Variants in ABCB1 observed in about 807,000 individuals in gnomAD.
ABCB1 encodes the protein ATP-dependent translocase ABCB1.
ABCB1 carries 69 observed loss-of-function variants against 142.0 expected under a neutral mutation model. The observed-to-expected ratio is 0.49, with a 90% CI of 0.40 to 0.59. ABCB1 has a LOEUF of 0.59. Ranked by LOEUF, ABCB1 falls within the 20% of genes least tolerant of loss-of-function variation. The pLI, the probability that ABCB1 is intolerant of heterozygous loss-of-function variation, is 0.00. For synonymous variants in ABCB1, 532 were observed against 539.2 expected, an observed-to-expected ratio of 0.99 and a Z score of 0.18; for missense variants, 1,326 against 1,554.7, an observed-to-expected ratio of 0.85 and a Z score of 2.47.
intron 4 of ABCB1, among the ~76,000 whole-genome samples, chr7:87,577,293 T>C (rs923161371): frequency 2.6e-5 from 4 of 152,154 alleles, no homozygotes; most frequent in African/African-American, 9.7e-5. Context: ...GTATGTATCA[T>C]AATTTCTTCA....
At chr7:87,517,360 C>T (rs1344546786) in intron 23 of ABCB1, among the ~76,000 whole-genome samples, 1 of 148,034 alleles carries the variant, frequency 6.8e-6, no homozygotes, top group Non-Finnish European at 1.5e-5. Context: ...TGTTCTCTCT[C>T]TCTTTCTCTC....
At chr7:87,651,554 C>G (rs1271326740) in intron 1 of ABCB1, among the ~76,000 whole-genome samples, 1 of 152,024 alleles carries the variant, frequency 6.6e-6, no homozygotes, top group African/African-American at 2.4e-5. Flanking sequence ...ACAATAAGTA[C>G]TAACTTTATC....
intron 20 of ABCB1, among the ~76,000 whole-genome samples, chr7:87,536,102 G>A (rs1478256963): frequency 6.6e-6 from 1 of 152,092 alleles, no homozygotes. Context: ...TAACCATAGT[G>A]ACTCTAAACT....
chr7:87,625,566 G>A (rs1477066468), intron 1 of ABCB1, among the ~76,000 whole-genome samples: 3 of 152,080 alleles, frequency 2.0e-5, no homozygotes, highest in Admixed American at 2.0e-4. Context: ...AGTTTTATCT[G>A]TGGTTAAATA....
intron 2 of ABCB1, among the ~76,000 whole-genome samples, chr7:87,599,750 T>G (rs1223438935): frequency 6.6e-6 from 1 of 152,210 alleles, no homozygotes; most frequent in Non-Finnish European, 1.5e-5. Flanking sequence ...GCTAGAAGAC[T>G]TAAAATGTTA....
At chr7:87,613,865 A>G (rs1164086908) in intron 1 of ABCB1, among the ~76,000 whole-genome samples, 1 of 152,210 alleles carries the variant, frequency 6.6e-6, no homozygotes, top group Non-Finnish European at 1.5e-5. Context: ...GATTATTTTT[A>G]AAATACTTCC....
intron 1 of ABCB1, among the ~76,000 whole-genome samples, chr7:87,705,727 T>C (rs1329574063): frequency 6.6e-6 from 1 of 152,194 alleles, no homozygotes; most frequent in African/African-American, 2.4e-5. Flanking sequence ...ACTTATCTCA[T>C]TCTTTTCTGA....
intron 1 of ABCB1, among the ~76,000 whole-genome samples, chr7:87,645,580 C>G (rs763732360): frequency 1.6e-4 from 24 of 152,102 alleles, no homozygotes; most frequent in Non-Finnish European, 3.1e-4. Flanking sequence ...AGACATTCAT[C>G]AAATTGTCAT....
intron 1 of ABCB1, among the ~76,000 whole-genome samples, chr7:87,655,567 G>A (rs1173470457): frequency 6.6e-6 from 1 of 152,136 alleles, no homozygotes; most frequent in African/African-American, 2.4e-5. Flanking sequence ...TGTGCTGGAA[G>A]GAGAGGGATC....
intron 1 of ABCB1, among the ~76,000 whole-genome samples, chr7:87,665,389 A>G (rs908990709): frequency 2.6e-5 from 4 of 152,132 alleles, no homozygotes; most frequent in African/African-American, 9.7e-5. Context: ...AGGAAGTGAA[A>G]CCTCTGTACA....
intron 8 of ABCB1, among the ~76,000 whole-genome samples, chr7:87,556,957 G>C (rs945867499): frequency 3.9e-5 from 6 of 151,958 alleles, no homozygotes; most frequent in African/African-American, 1.5e-4. Flanking sequence ...AGGAAACTTG[G>C]AAGACTCTTC....
intron 20 of ABCB1, 136 bp from the exon 21 acceptor site, chr7:87,531,633 TG>T: frequency 1.3e-6 from 1 of 786,294 alleles, no homozygotes; most frequent in South Asian, 1.7e-5. Context: ...AAGGTCTACT[TG>T]TAAGTTTATT....
intron 1 of ABCB1, chr7:87,693,972 G>A (rs1828255322): frequency 6.2e-7 from 1 of 1,611,390 alleles, no homozygotes; most frequent in Non-Finnish European, 8.5e-7. Flanking sequence ...CTCTATGCTG[G>A]TGATGTCTCC....
At chr7:87,708,792 G>T (rs557293457) in intron 1 of ABCB1, among the ~76,000 whole-genome samples, 79 of 152,128 alleles carry the variant, frequency 5.2e-4, no homozygotes, top group African/African-American at 1.9e-3. Context: ...TTTCATTTGT[G>T]CATAAAGTAG....
intron 1 of ABCB1, among the ~76,000 whole-genome samples, chr7:87,711,796 T>A (rs1402185376): frequency 2.0e-5 from 3 of 152,200 alleles, no homozygotes; most frequent in Non-Finnish European, 2.9e-5. Flanking sequence ...AGTGTTTTCC[T>A]CATCACAGAA....
Position 87,704,801 on chromosome 7 carries a change from T to A in ABCB1, c.-331+8360A>T, listed in dbSNP as rs568939741. ...TCTGTGGAGAAAGATTACCTCTCTT[T>A]ATTCATTGCAATGAAAAGAGCAGTT... On this transcript the variant is annotated intron_variant, in intron 1 of 28. Coordinates refer to the ABCB1 transcript ENST00000265724. Among the ~76,000 whole-genome samples the A allele has an allele frequency of 2.0e-5, 3 of 152,330 alleles. No homozygotes were observed. In the South Asian group the frequency reaches 6.2e-4, roughly 32 times the overall value.
chr7:87,607,079 A>G (rs1233686779), intron 1 of ABCB1, among the ~76,000 whole-genome samples: 3 of 152,220 alleles, frequency 2.0e-5, no homozygotes, highest in Non-Finnish European at 4.4e-5. Context: ...AGAAAGAGGT[A>G]GAGATAGAGA....
chr7:87,533,766 A>G (rs1464219496), intron 20 of ABCB1, among the ~76,000 whole-genome samples: 19 of 152,196 alleles, frequency 1.2e-4, no homozygotes, highest in Admixed American at 1.2e-3. Context: ...AGTGGTGTAA[A>G]GTAGATCCAA....
At chr7:87,602,046 T>A (rs1375515265), upstream of ABCB1, among the ~76,000 whole-genome samples, 1 of 152,156 alleles carries the variant, frequency 6.6e-6, no homozygotes, top group Non-Finnish European at 1.5e-5. Context: ...CAGGCTGGAG[T>A]GCAGTGGCAG....
Sources: allele counts gnomAD v4.1 joint callset (sites outside exome capture counted in the v4.1 genomes callset), GRCh38; gene constraint gnomAD v4.1.1; transcripts MANE v1.5; gene names NCBI Gene and HGNC (gene_info 2026-07-23, HGNC 2026-07-21).